Variants in GRM6 observed in about 807,000 individuals in gnomAD.
The protein encoded by GRM6 is glutamate metabotropic receptor 6, also known as metabotropic glutamate receptor 6.
In GRM6, 73 loss-of-function variants were observed where a neutral mutation model predicts 78.4. The observed-to-expected ratio is 0.93, with a 90% CI of 0.77 to 1.13. GRM6 has a LOEUF of 1.13. Ranked by LOEUF, GRM6 falls within the 50% of genes most tolerant of loss-of-function variation. GRM6 has a pLI of 0.00. For synonymous variants in GRM6, 580 were observed against 555.0 expected, an observed-to-expected ratio of 1.05 and a Z score of -0.63; for missense variants, 1,251 against 1,256.4, an observed-to-expected ratio of 1.00 and a Z score of 0.07.
chr5:178,983,254 C>A (rs1434741248), intron 9 of GRM6, 33 bp from the exon 10 acceptor site: 1 of 1,581,054 alleles, frequency 6.3e-7, no homozygotes. Flanking sequence ...AGACACAGCA[C>A]TTTCCAGGGA....
intron 9 of GRM6, among the ~76,000 whole-genome samples, chr5:178,984,954 A>G (rs994754868): frequency 1.3e-5 from 2 of 152,068 alleles, no homozygotes; most frequent in Non-Finnish European, 2.9e-5. Context: ...TACTCTTCAC[A>G]CAGAAAACAT....
rs750588689 is a variant in GRM6, at chr5:178,983,418, G to C, written c.2125-197C>G. On this transcript the variant is annotated intron_variant, in intron 9 of 10. Transcript: ENST00000517717. ...AGCCCAGGCAGGGGCAGCCCAAGAGGGGTCCGTCCAAAGGCCCGTGACCTG... is the reference window on the plus strand; with the variant it reads ...AGCCCAGGCAGGGGCAGCCCAAGAGCGGTCCGTCCAAAGGCCCGTGACCTG... 4.7e-5 allele frequency: 33 copies of C among 704,366 alleles called. 1 individual carries two copies. The highest frequency in any genetic ancestry group is 8.3e-5 in the Non-Finnish European group (32 of 387,734). 43.6% of individuals were successfully genotyped at this position (704,366 alleles called of 1,614,324 possible).
At chr5:178,989,577 G>T (rs1485000399) in intron 5 of GRM6, among the ~76,000 whole-genome samples, 172 bp from the exon 6 acceptor site, 1 of 151,864 alleles carries the variant, frequency 6.6e-6, no homozygotes, top group Non-Finnish European at 1.5e-5. Context: ...AGTTAGGCGT[G>T]GCCAGGTGAG....
rs1054752177 is a variant in GRM6 at position 178,979,544 on chromosome 5, A to G, written c.*2113T>C. 2 of 152,348 alleles carry G rather than the reference A, an allele frequency of 1.3e-5. No homozygotes were observed. Among genetic ancestry groups the G allele is most frequent in the South Asian group, 4.1e-4 (2 of 4,822 alleles). The allele number at this position is 152,348 out of a possible 1,614,324, so 9.4% of individuals were successfully genotyped here. ...GCCAGAGAGGCCCACAGGCATGAAC[A>G]TGGCAGAGTGTGAAAGTCGTCTGCG... is the stretch of plus-strand genomic sequence containing the variant. On this transcript the variant is annotated 3_prime_UTR_variant, in exon 11 of 11. Transcript: ENST00000517717.
chr5:178,985,684 C>T (rs1415107942), intron 9 of GRM6: 18 of 392,142 alleles, frequency 4.6e-5, no homozygotes, highest in South Asian at 1.3e-4. Flanking sequence ...GCCTGGGCGA[C>T]ACAGCGAGAC....
At chr5:178,989,751 C>T in intron 5 of GRM6, 1 of 388,846 alleles carries the variant, frequency 2.6e-6, no homozygotes, top group Non-Finnish European at 4.9e-6. Flanking sequence ...TGTTAGGATG[C>T]TGCTGTGAAG....
At chr5:178,985,866 ATCC>A (rs1421638745) in intron 9 of GRM6, 2 of 554,740 alleles carry the variant, frequency 3.6e-6, no homozygotes, top group Non-Finnish European at 3.3e-6. Context: ...GGCTCAAGCG[ATCC>A]TCCTATTTCA....
chr5:178,987,606 G>A, intron 7 of GRM6: 1 of 374,076 alleles, frequency 2.7e-6, no homozygotes, highest in South Asian at 2.0e-5. Flanking sequence ...ACCGAGGGTA[G>A]ACAATTCATA....
At chr5:178,982,034 A>C (rs1026252513) in intron 10 of GRM6, among the ~76,000 whole-genome samples, 180 bp from the exon 11 acceptor site, 2 of 152,178 alleles carry the variant, frequency 1.3e-5, no homozygotes, top group African/African-American at 2.4e-5. Context: ...GGCAGCCTCC[A>C]TGCAGCTCTG....
At position 178,992,402 on chromosome 5, in the gene GRM6, G is replaced by T. The variant is rs1291458205; in HGVS notation, c.505-319C>A. ...GCTGTGTCCTGAACAAGGACCCCCA[G>T]CAGAGGGCCTGCAGCCCATCCAGCT... On this transcript the variant is annotated intron_variant, in intron 2 of 10. Coordinates refer to ENST00000517717, the MANE Select transcript of GRM6 (RefSeq NM_000843.4). The surrounding 1 kb of genome is among the most constrained non-coding windows in gnomAD (Gnocchi z 4.9). The T allele has an allele frequency of 1.6e-5, 7 of 442,060 alleles. No individual in the cohort carries two copies. The highest frequency in any genetic ancestry group is 1.3e-4 in the South Asian group (7 of 55,492). The allele number at this position is 442,060 out of a possible 1,614,324, so 27.4% of individuals were successfully genotyped here.
At chr5:178,987,880 C>T (rs2113333206) in intron 7 of GRM6, among the ~76,000 whole-genome samples, 1 of 149,728 alleles carries the variant, frequency 6.7e-6, no homozygotes, top group Admixed American at 6.7e-5. Flanking sequence ...CTGTCTCAGA[C>T]TCCCGAGTAG....
At chr5:178,985,682 G>T (rs148093411) in intron 9 of GRM6, 3 of 387,050 alleles carry the variant, frequency 7.8e-6, no homozygotes, top group African/African-American at 2.4e-5. Flanking sequence ...CAGCCTGGGC[G>T]ACACAGCGAG....
In GRM6 at chr5:178,994,690, C is replaced by T; in HGVS notation, c.255G>A (p.Leu85=). 6.8e-7 allele frequency: 1 copy of T among 1,469,080 alleles called. No homozygotes were observed. The highest frequency in any genetic ancestry group is 9.0e-7 in the Non-Finnish European group (1 of 1,113,282). 91.0% of individuals were successfully genotyped at this position (1,469,080 alleles called of 1,614,324 possible). A position where few individuals can be genotyped will look rare whatever the true frequency, so the allele number is the denominator to read the frequency against. The change falls in exon 2 of 11, where the codon CTG becomes CTA. Residue 85 remains leucine, a synonymous_variant. Transcript: ENST00000517717. ...ALDRVNADPE[L]LPGVRLGARL... ...GCGCGCCCAGGCGCACGCCGGGCAGCAGCTCGGGGTCGGCGTTGACGCGGT... is the reference window on the plus strand; with the variant it reads ...GCGCGCCCAGGCGCACGCCGGGCAGTAGCTCGGGGTCGGCGTTGACGCGGT...
In GRM6 at chr5:178,979,939, C is replaced by T. The variant is rs1760358582; in HGVS notation, c.*1718G>A. On this transcript the variant is annotated 3_prime_UTR_variant, in exon 11 of 11. Transcript: ENST00000517717. ...GAGAGAGCTGCACAGGAGAGAAACC[C>T]TATGGAATAAATAATTCTGGAAAGC... 6.5e-6 allele frequency: 1 copy of T among 154,416 alleles called. No homozygotes were observed. Among genetic ancestry groups the T allele is most frequent in the Admixed American group, 6.5e-5 (1 of 15,286 alleles). The allele number at this position is 154,416 out of a possible 1,614,324, so 9.6% of individuals were successfully genotyped here.
chr5:178,986,092 C>T (rs761487649), intron 9 of GRM6, 38 bp downstream of exon 9: 5 of 1,589,662 alleles, frequency 3.1e-6, no homozygotes, highest in South Asian at 1.1e-5. Flanking sequence ...CGGACAGTCC[C>T]CCTCCCTGCC....
chr5:178,987,028 G>T, intron 7 of GRM6, 45 bp from the exon 8 acceptor site: 2 of 1,599,626 alleles, frequency 1.3e-6, no homozygotes, highest in Non-Finnish European at 8.5e-7. Context: ...CAGCCCAGCA[G>T]AGCTGGCCTC....
rs1389155285 is a variant in GRM6, at chr5:178,991,320, G to A, written c.857+104C>T. ...GGAAGGTGGGGGGTGCGGGGAGCAGGGGAAAGGGAGGCAGGGAGAGTGTGT... is the reference window on the plus strand; with the variant it reads ...GGAAGGTGGGGGGTGCGGGGAGCAGAGGAAAGGGAGGCAGGGAGAGTGTGT... On this transcript the variant is annotated intron_variant, in intron 4 of 10. Transcript: ENST00000517717. The surrounding 1 kb of genome is among the most constrained non-coding windows in gnomAD (Gnocchi z 5.0). 3.5e-6 allele frequency: 4 copies of A among 1,147,012 alleles called. No individual in the cohort carries two copies. In the African/African-American group the frequency reaches 6.0e-5, roughly 17 times the overall value. The allele number at this position is 1,147,012 out of a possible 1,614,324, so 71.1% of individuals were successfully genotyped here. A position where few individuals can be genotyped will look rare whatever the true frequency, so the allele number is the denominator to read the frequency against.
chr5:178,985,686 C>G (rs12109023), intron 9 of GRM6: 27,867 of 396,214 alleles, frequency 0.07, 1,296 homozygotes, highest in African/African-American at 0.15. Context: ...CTGGGCGACA[C>G]AGCGAGACTC....
intron 2 of GRM6, among the ~76,000 whole-genome samples, chr5:178,993,873 C>G (rs1760726590): frequency 6.6e-6 from 1 of 152,188 alleles, no homozygotes; most frequent in South Asian, 2.1e-4. Flanking sequence ...ACGCCCCGCC[C>G]TGCTCTCAGA....
Sources: allele counts gnomAD v4.1 joint callset (sites outside exome capture counted in the v4.1 genomes callset), GRCh38; gene constraint gnomAD v4.1.1; non-coding constraint Gnocchi (gnomAD v3.1); transcripts MANE v1.5; gene names NCBI Gene and HGNC (gene_info 2026-07-23, HGNC 2026-07-21).